Variants in SLC44A5 observed in about 807,000 individuals in gnomAD.
SLC44A5 encodes choline transporter-like protein 5.
SLC44A5 carries 57 observed loss-of-function variants against 101.8 expected under a neutral mutation model. The ratio of observed to expected loss-of-function variants is 0.56; its 90% CI spans 0.45 to 0.70. The LOEUF (loss-of-function observed/expected upper bound fraction) is 0.70. SLC44A5 is among the 30% of genes least tolerant of loss of function. SLC44A5 has a pLI of 0.00. For missense variants in SLC44A5, 737 were observed against 853.1 expected (o/e 0.86, Z 1.70); for synonymous variants, 281 against 290.9 (o/e 0.97, Z 0.35).
chr1:75,352,537 A>ACCT (rs1658763209), intron 3 of SLC44A5, among the ~76,000 whole-genome samples: 2 of 152,174 alleles, frequency 1.3e-5, no homozygotes, highest in Admixed American at 6.5e-5. Flanking sequence ...TAATGAAATC[A>ACCT]TATTCAATCT....
the SLC44A5 span, among the ~76,000 whole-genome samples, chr1:75,668,482 G>A: frequency 2.7e-5 from 4 of 150,526 alleles, no homozygotes; most frequent in Non-Finnish European, 4.4e-5. Flanking sequence ...ATGACACCAT[G>A]CCCGGTTAAT....
chr1:75,521,757 G>A (rs1670139524), intron 2 of SLC44A5: 1 of 153,116 alleles, frequency 6.5e-6, no homozygotes, highest in Admixed American at 6.5e-5. Flanking sequence ...TGAGTGAATA[G>A]GTGCCCCTTT....
chr1:75,681,906 A>C, the SLC44A5 span, among the ~76,000 whole-genome samples: 32 of 152,366 alleles, frequency 2.1e-4, no homozygotes, highest in Non-Finnish European at 7.3e-5. Context: ...CAACTTCAGC[A>C]AAGTCTCAGG....
the SLC44A5 span, among the ~76,000 whole-genome samples, chr1:75,652,158 C>T: frequency 6.6e-6 from 1 of 152,166 alleles, no homozygotes; most frequent in East Asian, 1.9e-4. Flanking sequence ...GTACATGCAG[C>T]CCCTCCCAAG....
intron 2 of SLC44A5, among the ~76,000 whole-genome samples, chr1:75,499,972 A>C (rs1313105750): frequency 6.6e-6 from 1 of 152,130 alleles, no homozygotes; most frequent in Non-Finnish European, 1.5e-5. Context: ...CCTGCCCATA[A>C]ACCCCTCCCA....
the SLC44A5 span, among the ~76,000 whole-genome samples, chr1:75,677,464 A>G: frequency 6.6e-6 from 1 of 152,188 alleles, no homozygotes; most frequent in African/African-American, 2.4e-5. Context: ...CTCAAATTTA[A>G]AAACATAAAA....
chr1:75,246,731 T>C (rs908546311), intron 7 of SLC44A5, among the ~76,000 whole-genome samples: 15 of 152,052 alleles, frequency 9.9e-5, no homozygotes, highest in African/African-American at 3.6e-4. Flanking sequence ...GAAGGTAACA[T>C]TTGCAGAAAT....
chr1:75,339,733 T>C (rs950034547), intron 3 of SLC44A5, 103 bp from the exon 4 acceptor site: 2 of 910,194 alleles, frequency 2.2e-6, no homozygotes, highest in Non-Finnish European at 3.3e-6. Context: ...CACTGCTCAG[T>C]GCAGTGATGA....
chr1:75,647,125 G>T, the SLC44A5 span, among the ~76,000 whole-genome samples: 1 of 152,182 alleles, frequency 6.6e-6, no homozygotes, highest in Non-Finnish European at 1.5e-5. Flanking sequence ...CAGGCCCAAG[G>T]CTTTGCTGCT....
intron 2 of SLC44A5, among the ~76,000 whole-genome samples, chr1:75,438,718 G>A (rs1157647201): frequency 1.3e-5 from 2 of 151,990 alleles, no homozygotes; most frequent in Non-Finnish European, 2.9e-5. Flanking sequence ...AAAAGCCTGG[G>A]ACTCTTTCTG....
chr1:75,675,340 T>A, the SLC44A5 span, among the ~76,000 whole-genome samples: 1 of 152,202 alleles, frequency 6.6e-6, no homozygotes, highest in South Asian at 2.1e-4. Flanking sequence ...CCTCATTAGC[T>A]GTATTCCTAG....
chr1:75,227,230 T>G (rs535571666), intron 13 of SLC44A5, among the ~76,000 whole-genome samples: 2 of 152,194 alleles, frequency 1.3e-5, no homozygotes, highest in African/African-American at 4.8e-5. Context: ...CCAGGCATGG[T>G]GGCACACATC....
At chr1:75,275,154 C>A in intron 5 of SLC44A5, 112 bp from the exon 6 acceptor site, 1 of 693,086 alleles carries the variant, frequency 1.4e-6, no homozygotes, top group Admixed American at 2.7e-5. Flanking sequence ...CCCTCAGTCA[C>A]AGAAGATTAT....
the SLC44A5 span, among the ~76,000 whole-genome samples, chr1:75,718,536 T>A: frequency 6.6e-6 from 1 of 151,906 alleles, no homozygotes; most frequent in East Asian, 1.9e-4. Flanking sequence ...CTGTCTGGAG[T>A]GATGTCAGAG....
intron 2 of SLC44A5, among the ~76,000 whole-genome samples, chr1:75,435,309 A>C (rs1481746958): frequency 6.6e-6 from 1 of 152,188 alleles, no homozygotes; most frequent in African/African-American, 2.4e-5. Context: ...TAAAATCTAC[A>C]TGTAAGATAA....
At chr1:75,418,692 C>G (rs12082807) in intron 2 of SLC44A5, among the ~76,000 whole-genome samples, 3,999 of 152,186 alleles carry the variant, frequency 0.026, 168 homozygotes, top group African/African-American at 0.085. Flanking sequence ...CATGCAGGGC[C>G]TCTGTGCCTG....
chr1:75,332,039 A>G (rs1474826311), intron 4 of SLC44A5, among the ~76,000 whole-genome samples: 3 of 152,056 alleles, frequency 2.0e-5, no homozygotes, highest in African/African-American at 7.2e-5. Flanking sequence ...CCCTCTTCCA[A>G]GAAGACAGCC....
the SLC44A5 span, among the ~76,000 whole-genome samples, chr1:75,633,325 C>A: frequency 6.6e-6 from 1 of 152,104 alleles, no homozygotes; most frequent in Non-Finnish European, 1.5e-5. Flanking sequence ...TGGCCATTTT[C>A]ACGACATTGA....
At chr1:75,427,943 G>A (rs184796869) in intron 2 of SLC44A5, among the ~76,000 whole-genome samples, 21 of 152,294 alleles carry the variant, frequency 1.4e-4, no homozygotes, top group African/African-American at 3.6e-4. Context: ...GTGGTTGGAT[G>A]GAGCCATGTT....
Sources: allele counts gnomAD v4.1 joint callset (sites outside exome capture counted in the v4.1 genomes callset), GRCh38; gene constraint gnomAD v4.1.1; transcripts MANE v1.5; gene names NCBI Gene and HGNC (gene_info 2026-07-23, HGNC 2026-07-21).